Variants in PRKN observed in about 807,000 individuals in gnomAD.
The protein encoded by PRKN is E3 ubiquitin-protein ligase parkin.
PRKN carries 56 observed loss-of-function variants against 59.5 expected under a neutral mutation model. The observed-to-expected ratio is 0.94, with a 90% CI of 0.76 to 1.18. The LOEUF (loss-of-function observed/expected upper bound fraction) is 1.18. Ranked by LOEUF, PRKN falls within the 50% of genes most tolerant of loss-of-function variation. The probability of loss-of-function intolerance (pLI) is 0.00; values close to 1 mark genes in which losing one functional copy is unlikely to be tolerated. For missense variants in PRKN, 657 were observed against 596.4 expected (o/e 1.10, Z -1.06); for synonymous variants, 250 against 222.1 (o/e 1.13, Z -1.12).
chr6:162,019,195 G>C (rs1783039831), intron 5 of PRKN, among the ~76,000 whole-genome samples: 1 of 152,106 alleles, frequency 6.6e-6, no homozygotes, highest in African/African-American at 2.4e-5. Flanking sequence ...AGACCAACAA[G>C]GTTATTCATG....
intron 2 of PRKN, among the ~76,000 whole-genome samples, chr6:162,295,765 C>A (rs1781642651): frequency 6.6e-6 from 1 of 152,150 alleles, no homozygotes; most frequent in Non-Finnish European, 1.5e-5. Context: ...TACACACAAG[C>A]CTACGCTTGC....
intron 6 of PRKN, among the ~76,000 whole-genome samples, chr6:161,813,425 G>A (rs1791643924): frequency 1.3e-5 from 2 of 152,134 alleles, no homozygotes; most frequent in Admixed American, 6.5e-5. Context: ...TGGGACTCGG[G>A]GTAGCTGAGT....
chr6:161,730,492 T>C (rs1448059606), intron 7 of PRKN, among the ~76,000 whole-genome samples: 1 of 150,904 alleles, frequency 6.6e-6, no homozygotes, highest in Non-Finnish European at 1.5e-5. Flanking sequence ...CTTTCTGATA[T>C]GTTGCAGTCT....
chr6:162,145,873 G>A (rs1782004705), intron 4 of PRKN, among the ~76,000 whole-genome samples: 1 of 152,174 alleles, frequency 6.6e-6, no homozygotes, highest in African/African-American at 2.4e-5. Context: ...TTACAAAGTT[G>A]CACTTCTATG....
intron 6 of PRKN, among the ~76,000 whole-genome samples, chr6:161,825,494 C>T (rs545245393): frequency 3.9e-5 from 6 of 152,182 alleles, no homozygotes; most frequent in Non-Finnish European, 8.8e-5. Flanking sequence ...ATGGCCATGT[C>T]CCTTTCCAGG....
chr6:162,426,898 C>T (rs1272647440), intron 2 of PRKN, among the ~76,000 whole-genome samples: 1 of 152,160 alleles, frequency 6.6e-6, no homozygotes, highest in East Asian at 1.9e-4. Flanking sequence ...TCTTATACAT[C>T]CAATAACAGC....
intron 1 of PRKN, among the ~76,000 whole-genome samples, chr6:162,498,602 C>A (rs1437150532): frequency 4.0e-5 from 6 of 150,898 alleles, no homozygotes; most frequent in African/African-American, 1.2e-4. Context: ...TGCACCACCA[C>A]GCCTGGCTAA....
intron 2 of PRKN, among the ~76,000 whole-genome samples, chr6:162,370,896 G>A (rs1390831810): frequency 3.9e-5 from 6 of 152,122 alleles, no homozygotes; most frequent in African/African-American, 1.4e-4. Flanking sequence ...TGGCTCACGG[G>A]CATCATTGAA....
intron 4 of PRKN, among the ~76,000 whole-genome samples, chr6:162,116,371 T>C (rs1780672977): frequency 6.6e-6 from 1 of 152,200 alleles, no homozygotes; most frequent in Admixed American, 6.5e-5. Context: ...GATTTGGGTC[T>C]CAATTGCTGA....
intron 1 of PRKN, among the ~76,000 whole-genome samples, chr6:162,533,611 G>T (rs1333226142): frequency 6.6e-6 from 1 of 152,132 alleles, no homozygotes; most frequent in East Asian, 1.9e-4. Flanking sequence ...GGCTTCAAAT[G>T]CGGGTTTTAC....
Position 161,847,450 on chromosome 6 carries a change from G to A in PRKN, c.735-61542C>T, listed in dbSNP as rs373500627. Among the ~76,000 whole-genome samples the A allele has an allele frequency of 5.9e-5, 9 of 152,350 alleles. No individual in the cohort carries two copies. In the East Asian group the frequency reaches 1.2e-3, roughly 20 times the overall value. ...GCCTTGCCCAAGGGCAGAGAAGGTT[G>A]CAGACATCCTCTCCCCTCCTCAGCT... On this transcript the variant is annotated intron_variant, in intron 6 of 11. Transcript: ENST00000366898.
chr6:162,390,924 A>G (rs1219124063), intron 2 of PRKN, among the ~76,000 whole-genome samples: 1 of 152,212 alleles, frequency 6.6e-6, no homozygotes, highest in Non-Finnish European at 1.5e-5. Flanking sequence ...ATAATAGAGT[A>G]TAGATTATTC....
At chr6:162,547,878 G>C (rs1407933092) in intron 1 of PRKN, among the ~76,000 whole-genome samples, 1 of 152,060 alleles carries the variant, frequency 6.6e-6, no homozygotes, top group African/African-American at 2.4e-5. Flanking sequence ...CACCGTGCCT[G>C]GCCAACAGTT....
At chr6:162,478,472 CCT>C (rs1287735766) in intron 1 of PRKN, among the ~76,000 whole-genome samples, 2 of 152,144 alleles carry the variant, frequency 1.3e-5, no homozygotes, top group African/African-American at 2.4e-5. Context: ...TGGTGAGGAG[CCT>C]CTCTCTCCTG....
chr6:162,430,146 TGATGATGAC>T (rs1317614555), intron 2 of PRKN, among the ~76,000 whole-genome samples: 18 of 143,070 alleles, frequency 1.3e-4, no homozygotes, highest in African/African-American at 4.3e-4. Flanking sequence ...AGCACTTTGA[TGATGATGAC>T]GATGACGACG....
intron 3 of PRKN, among the ~76,000 whole-genome samples, chr6:162,248,365 C>A (rs920282644): frequency 1.3e-5 from 2 of 152,194 alleles, no homozygotes; most frequent in Non-Finnish European, 2.9e-5. Context: ...ATTTTACACT[C>A]GTCATTCTGA....
intron 5 of PRKN, among the ~76,000 whole-genome samples, chr6:162,013,326 G>C (rs1782808130): frequency 6.6e-6 from 1 of 151,958 alleles, no homozygotes; most frequent in Admixed American, 6.6e-5. Context: ...TTGTCTTTTG[G>C]ATACGTCCTC....
intron 1 of PRKN, among the ~76,000 whole-genome samples, chr6:162,486,788 G>A (rs949055430): frequency 2.6e-5 from 4 of 152,092 alleles, no homozygotes; most frequent in Admixed American, 2.0e-4. Flanking sequence ...AGTAGATTTT[G>A]GCCAGGCGTG....
chr6:162,082,416 T>C (rs142206138), intron 4 of PRKN, among the ~76,000 whole-genome samples: 2 of 152,234 alleles, frequency 1.3e-5, no homozygotes, highest in East Asian at 3.9e-4. Context: ...ACAGCCTTCC[T>C]CTGGATTAGG....
Sources: allele counts gnomAD v4.1 joint callset (sites outside exome capture counted in the v4.1 genomes callset), GRCh38; gene constraint gnomAD v4.1.1; transcripts MANE v1.5; gene names NCBI Gene and HGNC (gene_info 2026-07-23, HGNC 2026-07-21).